Variants in PDGFRL observed in about 807,000 individuals in gnomAD.
PDGFRL encodes platelet derived growth factor receptor like.
In PDGFRL, 46 loss-of-function variants were observed where a neutral mutation model predicts 37.2. That is an observed-to-expected ratio of 1.24 (90% CI 0.98 to 1.58). The LOEUF (loss-of-function observed/expected upper bound fraction) is 1.58, where lower values mean the gene tolerates loss of function less well. Among genes scored for constraint, PDGFRL ranks in the 40% most tolerant of loss-of-function variants. The pLI, the probability that PDGFRL is intolerant of heterozygous loss-of-function variation, is 0.00. For missense variants in PDGFRL, 692 were observed against 467.6 expected, an observed-to-expected ratio of 1.48 and a Z score of -4.43; for synonymous variants, 251 against 184.3, an observed-to-expected ratio of 1.36 and a Z score of -2.93.
intron 1 of PDGFRL, among the ~76,000 whole-genome samples, chr8:17,582,617 A>T (rs1003142922): frequency 6.6e-6 from 1 of 151,360 alleles, no homozygotes; most frequent in Non-Finnish European, 1.5e-5. Flanking sequence ...CTCAAGATCA[A>T]TTACAGCAGC....
Position 17,587,852 on chromosome 8 carries a change from A to G in PDGFRL, c.56-1616A>G, listed in dbSNP as rs1226749298. On this transcript the variant is annotated intron_variant, in intron 1 of 5. Coordinates refer to ENST00000251630, the MANE Select transcript of PDGFRL (RefSeq NM_001372073.1). The stretch of plus-strand genomic sequence containing the variant: ...GCCATGTTGCCCAGGCTGGTCTCAA[A>G]CTTCTGACCTCAACTGATCCACCTG... 2.0e-5 allele frequency among the ~76,000 whole-genome samples: 3 copies of G among 151,922 alleles called. No homozygotes were observed. The East Asian group carries it at 5.8e-4, about 29-fold the overall frequency.
intron 2 of PDGFRL, among the ~76,000 whole-genome samples, chr8:17,596,931 T>A (rs938449569): frequency 6.6e-6 from 1 of 152,218 alleles, no homozygotes; most frequent in Non-Finnish European, 1.5e-5. Flanking sequence ...TTTTCTTTTT[T>A]CCGTAGAATG....
intron 5 of PDGFRL, among the ~76,000 whole-genome samples, chr8:17,636,988 C>T (rs376049931): frequency 7.2e-5 from 11 of 152,130 alleles, no homozygotes; most frequent in Non-Finnish European, 2.9e-5. Flanking sequence ...TTGCTAAATT[C>T]ATCTATCAGT....
intron 2 of PDGFRL, among the ~76,000 whole-genome samples, chr8:17,619,944 C>T (rs1294870670): frequency 6.6e-6 from 1 of 152,198 alleles, no homozygotes; most frequent in Non-Finnish European, 1.5e-5. Context: ...GCTTCCCCCA[C>T]ACACCCATTT....
At chr8:17,616,286 C>T (rs1306399031) in intron 2 of PDGFRL, among the ~76,000 whole-genome samples, 1 of 152,100 alleles carries the variant, frequency 6.6e-6, no homozygotes, top group Admixed American at 6.6e-5. Context: ...CCTCCGCCTC[C>T]CGGGTTCAAG....
chr8:17,583,255 A>G lies in PDGFRL; in HGVS notation c.55+5948A>G, dbSNP rs1006196923. Among the ~76,000 whole-genome samples the G allele has an allele frequency of 7.9e-5, 12 of 152,244 alleles. No individual in the cohort carries two copies. The South Asian group carries it at 2.1e-3, about 26-fold the overall frequency. On this transcript the variant is annotated intron_variant, in intron 1 of 5. Coordinates refer to ENST00000251630, the MANE Select transcript of PDGFRL (RefSeq NM_001372073.1). ...GGCACTGCCTAGGGGAGCCATGGGAACAGGGCTCATGTGGGGATCCCAGAA... is the reference window on the plus strand; with the variant it reads ...GGCACTGCCTAGGGGAGCCATGGGAGCAGGGCTCATGTGGGGATCCCAGAA...
intron 2 of PDGFRL, among the ~76,000 whole-genome samples, chr8:17,591,663 C>A (rs923726104): frequency 1.3e-5 from 2 of 152,184 alleles, no homozygotes; most frequent in Non-Finnish European, 2.9e-5. Flanking sequence ...CGCCTGTAAT[C>A]CCAGCACTTT....
At chr8:17,582,720 G>C (rs1803733885) in intron 1 of PDGFRL, among the ~76,000 whole-genome samples, 1 of 152,166 alleles carries the variant, frequency 6.6e-6, no homozygotes, top group Non-Finnish European at 1.5e-5. Flanking sequence ...GGCAGAGAAT[G>C]AAAGAGCATT....
intron 4 of PDGFRL, among the ~76,000 whole-genome samples, chr8:17,629,946 C>T (rs141319734): frequency 6.6e-6 from 1 of 152,282 alleles, no homozygotes; most frequent in East Asian, 1.9e-4. Context: ...CCCACCACAT[C>T]AGTACTCACT....
chr8:17,617,154 T>G (rs1450277424), intron 2 of PDGFRL, among the ~76,000 whole-genome samples: 1 of 152,126 alleles, frequency 6.6e-6, no homozygotes, highest in Non-Finnish European at 1.5e-5. Context: ...GTCTTAAAAT[T>G]TGAACACTTT....
chr8:17,612,704 A>G (rs914771613), intron 2 of PDGFRL, among the ~76,000 whole-genome samples: 1 of 152,138 alleles, frequency 6.6e-6, no homozygotes, highest in African/African-American at 2.4e-5. Context: ...AATAACACAT[A>G]CTTATTTGAT....
intron 2 of PDGFRL, among the ~76,000 whole-genome samples, chr8:17,608,605 A>G (rs1359331561): frequency 6.6e-6 from 1 of 152,206 alleles, no homozygotes; most frequent in Non-Finnish European, 1.5e-5. Flanking sequence ...AGGAGAATGC[A>G]CGCTAAATAG....
chr8:17,634,219 T>G lies in PDGFRL; in HGVS notation c.939+6T>G. The G allele has an allele frequency of 1.2e-6, 2 of 1,602,108 alleles. No homozygotes were observed. Among genetic ancestry groups the G allele is most frequent in the Non-Finnish European group, 8.5e-7 (1 of 1,172,214 alleles). ...GGATCTTCCCAGGGCAGAAGGTAAG[T>G]GTTGTACCTGCATCTCAGCCCCTGC... On this transcript the variant is annotated splice_donor_region_variant and intron_variant, in intron 5 of 5. Coordinates refer to ENST00000251630, the MANE Select transcript of PDGFRL (RefSeq NM_001372073.1).
Position 17,581,308 on chromosome 8 carries a change from G to A in PDGFRL, c.55+4001G>A, listed in dbSNP as rs190274653. On this transcript the variant is annotated intron_variant, in intron 1 of 5. Coordinates refer to ENST00000251630, the MANE Select transcript of PDGFRL (RefSeq NM_001372073.1). Reference sequence around the variant, plus strand: ...AATAGCTTCAAGATGGGCTTGTACCGGTTGCCAGTGTGGCTGTGGCTGTGA... The same window carrying A: ...AATAGCTTCAAGATGGGCTTGTACCAGTTGCCAGTGTGGCTGTGGCTGTGA... 7.2e-5 allele frequency among the ~76,000 whole-genome samples: 11 copies of A among 152,158 alleles called. 1 individual carries two copies. Among genetic ancestry groups the A allele is most frequent in the Admixed American group, 3.9e-4 (6 of 15,284 alleles).
At chr8:17,604,242 C>T (rs1197106743) in intron 2 of PDGFRL, among the ~76,000 whole-genome samples, 1 of 152,100 alleles carries the variant, frequency 6.6e-6, no homozygotes. Flanking sequence ...TGGGTATATA[C>T]CCAAAGAGTT....
At chr8:17,634,309 T>C (rs1804925479) in intron 5 of PDGFRL, 96 bp downstream of exon 5, 2 of 942,054 alleles carry the variant, frequency 2.1e-6, no homozygotes, top group South Asian at 3.3e-5. Flanking sequence ...CAGTGCTATA[T>C]GCCATAACTT....
At chr8:17,602,019 G>A (rs1804175665) in intron 2 of PDGFRL, among the ~76,000 whole-genome samples, 1 of 152,146 alleles carries the variant, frequency 6.6e-6, no homozygotes, top group South Asian at 2.1e-4. Context: ...GTAGCTCTAA[G>A]TTCTTCAAGA....
intron 1 of PDGFRL, among the ~76,000 whole-genome samples, chr8:17,585,414 C>T (rs1031819666): frequency 2.0e-5 from 3 of 152,060 alleles, no homozygotes; most frequent in Non-Finnish European, 4.4e-5. Context: ...GAGTGGGGTT[C>T]TCGAAAGGAA....
At chr8:17,591,973 CACA>C (rs527457808) in intron 2 of PDGFRL, among the ~76,000 whole-genome samples, 3 of 152,088 alleles carry the variant, frequency 2.0e-5, no homozygotes, top group Non-Finnish European at 4.4e-5. Flanking sequence ...TCTGCATGTT[CACA>C]ACGATTTATA....
Sources: gnomAD v4.1 joint callset for allele counts (sites outside exome capture counted in the v4.1 genomes callset) on GRCh38, gnomAD v4.1.1 for gene constraint, MANE v1.5 for transcripts, NCBI Gene and HGNC (gene_info 2026-07-23, HGNC 2026-07-21) for gene names.